The following SDK1 variants were observed in gnomAD, a reference collection of about 807,000 sequenced individuals.
SDK1 encodes the protein protein sidekick-1.
A neutral mutation model predicts 245.5 loss-of-function variants in SDK1; 157 were observed. The ratio of observed to expected loss-of-function variants is 0.64; its 90% CI spans 0.56 to 0.73. The LOEUF (loss-of-function observed/expected upper bound fraction) is 0.73. Among genes scored for constraint, SDK1 ranks in the 30% least tolerant of loss-of-function variants. The probability of loss-of-function intolerance (pLI) is 0.00; values close to 1 mark genes in which losing one functional copy is unlikely to be tolerated. For synonymous variants in SDK1, 1,647 were observed against 1,278.5 expected (o/e 1.29, Z -6.15); for missense variants, 3,583 against 3,002.3 (o/e 1.19, Z -4.52).
chr7:3,676,568 G>C (rs967098616), intron 4 of SDK1, among the ~76,000 whole-genome samples: 2 of 151,540 alleles, frequency 1.3e-5, no homozygotes, highest in Non-Finnish European at 2.9e-5. Context: ...CTTGTGATCT[G>C]CCCACCTTGG....
Position 3,916,212 on chromosome 7 carries a change from C to T in SDK1, c.848-34711C>T, listed in dbSNP as rs532977680. Among the ~76,000 whole-genome samples the T allele has an allele frequency of 5.3e-5, 8 of 152,306 alleles. No homozygotes were observed. The South Asian group carries it at 1.7e-3, about 32-fold the overall frequency. On this transcript the variant is annotated intron_variant, in intron 5 of 44. Transcript: ENST00000404826. ...GGTCACATTCCTGTGAAGCCCTGAC[C>T]AGCCCTCAGTGGATCTACATTTTAC...
chr7:3,947,633 T>A (rs546041410), intron 5 of SDK1, among the ~76,000 whole-genome samples: 1 of 151,736 alleles, frequency 6.6e-6, no homozygotes, highest in East Asian at 1.9e-4. Flanking sequence ...TATCTATATG[T>A]GTATCTATAT....
chr7:3,987,309 G>A lies in SDK1; in HGVS notation c.2118G>A (p.Glu706=). 6.2e-7 allele frequency: 1 copy of A among 1,613,938 alleles called. No homozygotes were observed. ...GTCCTATTCTTTATTACATCGTGGA[G>A]CTCTCTGAAAACAGTAAGTAGCAAA... The part of the protein sequence containing the change: ...GNSPILYYIV[E]LSENNSPWKV... The change falls in exon 14 of 45, where the codon GAG becomes GAA. Residue 706 remains glutamate (E), a synonymous_variant. Coordinates refer to ENST00000404826, the MANE Select transcript of SDK1 (RefSeq NM_152744.4).
At chr7:3,564,313 AAAAG>A (rs1779839130) in intron 1 of SDK1, among the ~76,000 whole-genome samples, 1 of 152,074 alleles carries the variant, frequency 6.6e-6, no homozygotes. Flanking sequence ...GACAGACTCA[AAAAG>A]AAAGAAAAGA....
intron 5 of SDK1, among the ~76,000 whole-genome samples, chr7:3,905,913 T>G (rs1778897459): frequency 6.6e-6 from 1 of 152,216 alleles, no homozygotes; most frequent in East Asian, 1.9e-4. Context: ...TATGAGCCAC[T>G]GTACCTGGCC....
chr7:3,414,653 C>T (rs1434398364), intron 1 of SDK1, among the ~76,000 whole-genome samples: 2 of 152,120 alleles, frequency 1.3e-5, no homozygotes, highest in East Asian at 1.9e-4. Context: ...TTCACATAAT[C>T]GTAAGGTTGT....
At chr7:4,234,868 T>C (rs1043807660) in intron 41 of SDK1, among the ~76,000 whole-genome samples, 5 of 152,138 alleles carry the variant, frequency 3.3e-5, no homozygotes, top group African/African-American at 9.7e-5. Context: ...GGCCTCGGCG[T>C]TGGGGCAGCA....
chr7:4,127,544 G>A (rs771138536), intron 26 of SDK1, 48 bp downstream of exon 26: 2 of 1,374,816 alleles, frequency 1.5e-6, no homozygotes, highest in Non-Finnish European at 2.1e-6. Flanking sequence ...GTGGGCTGGG[G>A]AAATGGGAGC....
intron 4 of SDK1, among the ~76,000 whole-genome samples, chr7:3,653,550 G>A (rs564957979): frequency 6.6e-6 from 1 of 152,168 alleles, no homozygotes; most frequent in African/African-American, 2.4e-5. Context: ...GGAGAAGCCA[G>A]TGGAGGAAGG....
At chr7:4,262,284 G>T (rs1335775823) in intron 44 of SDK1, among the ~76,000 whole-genome samples, 1 of 151,384 alleles carries the variant, frequency 6.6e-6, no homozygotes, top group Admixed American at 6.6e-5. Flanking sequence ...GTGATCTGCC[G>T]ACCTCAGGTG....
chr7:3,301,550 C>T lies in SDK1; in HGVS notation c.-37C>T, dbSNP rs1583653529. On this transcript the variant is annotated 5_prime_UTR_variant, in exon 1 of 45. Coordinates refer to ENST00000404826, the MANE Select transcript of SDK1 (RefSeq NM_152744.4). The stretch of plus-strand genomic sequence containing the variant: ...CGTCCCGCCTGTCCTGCCCGCCCGT[C>T]CGTCCGGCGCGGCGCTCGGGGTGGC... 3 of 766,146 alleles carry T rather than the reference C, an allele frequency of 3.9e-6. No individual in the cohort carries two copies. In the African/African-American group the frequency reaches 5.8e-5, roughly 15 times the overall value. 47.5% of individuals were successfully genotyped at this position (766,146 alleles called of 1,614,324 possible). A position where few individuals can be genotyped will look rare whatever the true frequency, so the allele number is the denominator to read the frequency against.
intron 4 of SDK1, among the ~76,000 whole-genome samples, chr7:3,768,110 G>C (rs17133795): frequency 6.6e-6 from 1 of 152,210 alleles, no homozygotes; most frequent in Non-Finnish European, 1.5e-5. Context: ...GATTGTCTTA[G>C]GGATGGTCAT....
intron 4 of SDK1, among the ~76,000 whole-genome samples, chr7:3,724,506 GAAGA>G (rs1778951008): frequency 6.6e-6 from 1 of 152,192 alleles, no homozygotes; most frequent in Non-Finnish European, 1.5e-5. Context: ...TAAAAGGTGA[GAAGA>G]GAGAAACAGA....
At chr7:3,339,675 A>C (rs781145226) in intron 1 of SDK1, among the ~76,000 whole-genome samples, 68 of 152,178 alleles carry the variant, frequency 4.5e-4, no homozygotes, top group Non-Finnish European at 7.9e-4. Flanking sequence ...AAAGGAAAAT[A>C]TTAAACATAA....
At chr7:3,945,054 C>A (rs1780519504) in intron 5 of SDK1, among the ~76,000 whole-genome samples, 1 of 152,200 alleles carries the variant, frequency 6.6e-6, no homozygotes, top group Admixed American at 6.5e-5. Context: ...GCAGAGTTTG[C>A]AGTGAGCTGA....
At position 4,200,525 on chromosome 7, in the gene SDK1, G is replaced by T. The variant is rs528519684; in HGVS notation, c.5099-5354G>T. ...ACCAGGCCTGTGGTCTTCTCTGAAA[G>T]TTCGACCGGGGAAGGATGCATTTCC... On this transcript the variant is annotated intron_variant, in intron 35 of 44. Coordinates refer to ENST00000404826, the MANE Select transcript of SDK1 (RefSeq NM_152744.4). Among the ~76,000 whole-genome samples the T allele has an allele frequency of 1.5e-4, 23 of 152,358 alleles. 1 individual carries two copies. The East Asian group carries it at 4.1e-3, about 27-fold the overall frequency.
intron 5 of SDK1, among the ~76,000 whole-genome samples, chr7:3,897,806 T>C (rs961630880): frequency 2.6e-5 from 4 of 152,188 alleles, no homozygotes; most frequent in Non-Finnish European, 5.9e-5. Flanking sequence ...TATAGTTAAT[T>C]TGGGAACTTT....
At chr7:4,238,410 G>A (rs2079400) in intron 42 of SDK1, among the ~76,000 whole-genome samples, 96,108 of 151,930 alleles carry the variant, frequency 0.63, 32,432 homozygotes, top group African/African-American at 0.87. Flanking sequence ...ATTAGAAAGT[G>A]AGGTGTGTCT....
chr7:4,102,488 G>A (rs1004989641), intron 22 of SDK1, among the ~76,000 whole-genome samples: 1 of 152,162 alleles, frequency 6.6e-6, no homozygotes, highest in African/African-American at 2.4e-5. Flanking sequence ...ATGGAGGGGG[G>A]CCACCTCCTC....
Sources: gnomAD v4.1 joint callset for allele counts (sites outside exome capture counted in the v4.1 genomes callset) on GRCh38, gnomAD v4.1.1 for gene constraint, MANE v1.5 for transcripts, NCBI Gene and HGNC (gene_info 2026-07-23, HGNC 2026-07-21) for gene names.